HERC1: variants seen among roughly 807,000 people sequenced by gnomAD.
The protein encoded by HERC1 is HECT and RLD domain containing E3 ubiquitin protein ligase family member 1.
In HERC1, 160 loss-of-function variants were observed where a neutral mutation model predicts 554.3. The observed-to-expected ratio is 0.29, with a 90% CI of 0.25 to 0.33. HERC1 has a LOEUF of 0.33. Among genes scored for constraint, HERC1 ranks in the 10% least tolerant of loss-of-function variants. HERC1 has a pLI of 1.00. For missense variants in HERC1, 4,919 were observed against 5,918.5 expected (o/e 0.83, Z 5.54); for synonymous variants, 2,175 against 2,131.7 (o/e 1.02, Z -0.56).
intron 1 of HERC1, among the ~76,000 whole-genome samples, chr15:63,830,307 C>T (rs1263515813): frequency 6.6e-6 from 1 of 152,208 alleles, no homozygotes; most frequent in Admixed American, 6.5e-5. Context: ...CACAACATCG[C>T]TTCTGTAGTT....
chr15:63,775,276 T>C lies in HERC1; in HGVS notation c.348A>G (p.Ala116=), dbSNP rs780420408. 3.3e-5 allele frequency: 54 copies of C among 1,613,934 alleles called. No homozygotes were observed. The highest frequency in any genetic ancestry group is 4.1e-5 in the Non-Finnish European group (48 of 1,179,904). Residue 116 remains alanine, a synonymous_variant, in exon 2 of 78, where the codon GCA becomes GCG. Coordinates refer to ENST00000443617, the MANE Select transcript of HERC1 (RefSeq NM_003922.4). The surrounding 1 kb of genome is among the most constrained non-coding windows in gnomAD (Gnocchi z 4.0). ...CTTTGTCATGGTATTTATTAGAAAG[T>C]GCATAAAAGACACGCTGGAGTACAA... ...RLLVLQRVFY[A]LSNKYHDKGK...
intron 50 of HERC1, among the ~76,000 whole-genome samples, chr15:63,655,514 G>A (rs1212102584): frequency 1.3e-5 from 1 of 79,682 alleles, no homozygotes; most frequent in African/African-American, 5.2e-5. Flanking sequence ...AACCTACCAG[G>A]ATTATTATCT....
chr15:63,786,276 TAAAA>T (rs375937848), intron 1 of HERC1, among the ~76,000 whole-genome samples: 1 of 126,280 alleles, frequency 7.9e-6, no homozygotes, highest in Non-Finnish European at 1.7e-5. Flanking sequence ...ATGTTTCTAT[TAAAA>T]AAAAAAAAAA....
At chr15:63,779,144 ATAT>A (rs1006078107) in intron 1 of HERC1, among the ~76,000 whole-genome samples, 1 of 152,112 alleles carries the variant, frequency 6.6e-6, no homozygotes, top group African/African-American at 2.4e-5. Flanking sequence ...AATAATATTC[ATAT>A]TATTGGATTA....
Position 63,674,999 on chromosome 15 carries a change from T to C in HERC1, c.7189A>G (p.Thr2397Ala). 1 of 1,614,014 alleles carries C rather than the reference T, an allele frequency of 6.2e-7. No homozygotes were observed. ...GLTASVLLDL[T>A]YLTGVHEDMG... is the part of the protein sequence containing the mutation. ...TCTTCATGAACGCCAGTGAGATATGTTAGGTCCAGCAGCACAGAAGCCGTC... is the reference window on the plus strand; with the variant it reads ...TCTTCATGAACGCCAGTGAGATATGCTAGGTCCAGCAGCACAGAAGCCGTC... Residue 2397 changes from threonine (T) to alanine (A), a missense_variant, in exon 38 of 78, where the codon ACA becomes GCA. Around this residue, in one of 11 missense-constraint regions of HERC1, gnomAD observed 1,963 missense variants for 2,228.6 expected, o/e 0.88. Coordinates refer to ENST00000443617, the MANE Select transcript of HERC1 (RefSeq NM_003922.4).
chr15:63,637,729 T>G, intron 63 of HERC1, 86 bp from the exon 64 acceptor site: 10 of 1,075,534 alleles, frequency 9.3e-6, no homozygotes, highest in Non-Finnish European at 1.2e-5. Context: ...CACGTATACA[T>G]AGAATGCTTT....
chr15:63,674,328 A>T lies in HERC1; in HGVS notation c.7846+14T>A, dbSNP rs1555416205. 2 of 1,551,476 alleles carry T rather than the reference A, an allele frequency of 1.3e-6. No homozygotes were observed. The highest frequency in any genetic ancestry group is 1.7e-6 in the Non-Finnish European group (2 of 1,150,060). On this transcript the variant is annotated intron_variant, in intron 38 of 77. Coordinates refer to ENST00000443617, the MANE Select transcript of HERC1 (RefSeq NM_003922.4). ...CAGCACAAAAGCAAAAAAAAAAAAA[A>T]TCAGATAACATACCTTGCTTAATTT...
At chr15:63,751,697 A>C (rs2075253730) in intron 8 of HERC1, among the ~76,000 whole-genome samples, 1 of 152,152 alleles carries the variant, frequency 6.6e-6, no homozygotes, top group Non-Finnish European at 1.5e-5. Flanking sequence ...AACTATTCTT[A>C]CCCATTAAAA....
chr15:63,763,964 T>G (rs2075691815), intron 3 of HERC1, 132 bp downstream of exon 3: 1 of 249,954 alleles, frequency 4.0e-6, no homozygotes, highest in South Asian at 3.7e-5. Context: ...AGTTCCTCTC[T>G]CTAGAGGTAA....
chr15:63,673,541 T>C (rs1264313519), intron 38 of HERC1, among the ~76,000 whole-genome samples: 3 of 152,230 alleles, frequency 2.0e-5, no homozygotes, highest in East Asian at 1.9e-4. Context: ...CAACACATAG[T>C]AGGTACTCAA....
chr15:63,720,100 TCCC>T (rs374330014), intron 19 of HERC1, among the ~76,000 whole-genome samples: 4 of 47,222 alleles, frequency 8.5e-5, no homozygotes, highest in African/African-American at 3.9e-4. Flanking sequence ...TGCTTTTTCT[TCCC>T]TTTTTTTTTT....
intron 51 of HERC1, among the ~76,000 whole-genome samples, chr15:63,653,621 G>C (rs1402396423): frequency 1.3e-5 from 2 of 152,080 alleles, no homozygotes; most frequent in African/African-American, 4.8e-5. Context: ...TAAAAATGGG[G>C]TAGTATCTGC....
At chr15:63,619,813 TTG>T (rs1312127825) in intron 74 of HERC1, among the ~76,000 whole-genome samples, 1 of 152,150 alleles carries the variant, frequency 6.6e-6, no homozygotes, top group African/African-American at 2.4e-5. Flanking sequence ...TGATGGTAGT[TTG>T]TATTTCTGTG....
intron 1 of HERC1, among the ~76,000 whole-genome samples, chr15:63,826,503 T>C (rs1458985983): frequency 1.3e-5 from 2 of 152,042 alleles, no homozygotes; most frequent in African/African-American, 4.8e-5. Context: ...ATTCTTAGAA[T>C]TTCAGTTATC....
intron 69 of HERC1, among the ~76,000 whole-genome samples, chr15:63,629,157 C>G (rs917183302): frequency 6.6e-6 from 1 of 152,120 alleles, no homozygotes; most frequent in Non-Finnish European, 1.5e-5. Context: ...ACCATCTTGG[C>G]CAGGCTGATC....
Position 63,775,689 on chromosome 15 carries a change from G to A in HERC1, c.-26-40C>T. ...GAGAAAACAGTCAAAAACATACAGA[G>A]GACTCATAAAATGTTTCCAAAATTT... On this transcript the variant is annotated intron_variant, in intron 1 of 77. Transcript: ENST00000443617. The surrounding 1 kb of genome is among the most constrained non-coding windows in gnomAD (Gnocchi z 4.0). The A allele has an allele frequency of 2.3e-6, 3 of 1,280,758 alleles. No homozygotes were observed. The highest frequency in any genetic ancestry group is 3.3e-6 in the Non-Finnish European group (3 of 919,344). The allele number at this position is 1,280,758 out of a possible 1,614,324, so 79.3% of individuals were successfully genotyped here.
At chr15:63,771,639 C>T (rs964247153) in intron 2 of HERC1, among the ~76,000 whole-genome samples, 5 of 151,934 alleles carry the variant, frequency 3.3e-5, no homozygotes, top group African/African-American at 1.2e-4. Context: ...ACCATGTTGG[C>T]CAGGCTTGTC....
chr15:63,756,500 C>T lies in HERC1; in HGVS notation c.1470G>A (p.Leu490=), dbSNP rs1404389828. 6 of 1,613,866 alleles carry T rather than the reference C, an allele frequency of 3.7e-6. No individual in the cohort carries two copies. Among genetic ancestry groups the T allele is most frequent in the Non-Finnish European group, 5.1e-6 (6 of 1,179,878 alleles). ...TCTGTGTTGAACTATTTCCATGCCC[C>T]AGTTTCCCATAATCACCATCTCCCC... The part of the protein sequence containing the change: ...FSWGDGDYGK[L]GHGNSSTQKY... The change falls in exon 5 of 78, where the codon CTG becomes CTA. Residue 490 remains leucine, a synonymous_variant. Transcript: ENST00000443617. This position sits in a 1 kb window ranked among gnomAD's most constrained non-coding sequence, Gnocchi z 5.0.
In HERC1 at chr15:63,690,550, T is replaced by C. The variant is rs1258426742; in HGVS notation, c.5928A>G (p.Gln1976=). The change falls in exon 32 of 78, where the codon CAA becomes CAG. Residue 1976 remains glutamine, a synonymous_variant. Coordinates refer to ENST00000443617, the MANE Select transcript of HERC1 (RefSeq NM_003922.4). ...TTTTAAAAATAAAAACCTGGGCCATTTGATCATCTTCTACACCAGATTCAC... is the reference window on the plus strand; with the variant it reads ...TTTTAAAAATAAAAACCTGGGCCATCTGATCATCTTCTACACCAGATTCAC... The part of the protein sequence containing the change: ...PACESGVEDD[Q]MAQIVERLFS... 2 of 1,600,118 alleles carry C rather than the reference T, an allele frequency of 1.2e-6. No homozygotes were observed. The highest frequency in any genetic ancestry group is 1.3e-5 in the African/African-American group (1 of 74,440).
Sources: allele counts gnomAD v4.1 joint callset (sites outside exome capture counted in the v4.1 genomes callset), GRCh38; gene constraint gnomAD v4.1.1; regional missense constraint gnomAD v4.1.1; non-coding constraint Gnocchi (gnomAD v3.1); transcripts MANE v1.5; gene names NCBI Gene and HGNC (gene_info 2026-07-23, HGNC 2026-07-21).